The following KCNK9 variants were observed in gnomAD, a reference collection of about 807,000 sequenced individuals.
KCNK9 encodes potassium channel subfamily K member 9.
KCNK9 carries 1 observed loss-of-function variant against 10.8 expected under a neutral mutation model. That is an observed-to-expected ratio of 0.09 (90% CI 0.03 to 0.44). KCNK9 has a LOEUF of 0.44. Ranked by LOEUF, KCNK9 falls within the 20% of genes least tolerant of loss-of-function variation. KCNK9 has a pLI of 0.97. For synonymous variants in KCNK9, 231 were observed against 222.7 expected (o/e 1.04, Z -0.33); for missense variants, 303 against 515.0 (o/e 0.59, Z 3.98).
intron 2 of KCNK9, among the ~76,000 whole-genome samples, chr8:139,607,530 T>C (rs1367214418): frequency 2.0e-5 from 3 of 152,166 alleles, no homozygotes; most frequent in African/African-American, 7.2e-5. Flanking sequence ...CCCTGGAGCA[T>C]GCTCCCACCC....
chr8:139,629,832 G>A (rs970863265), intron 1 of KCNK9, among the ~76,000 whole-genome samples: 2 of 152,180 alleles, frequency 1.3e-5, no homozygotes, highest in African/African-American at 4.8e-5. Context: ...CTTCACTCAT[G>A]TGACCCCATT....
downstream of KCNK9, among the ~76,000 whole-genome samples, chr8:139,607,652 G>A (rs927230539): frequency 2.0e-5 from 3 of 152,160 alleles, no homozygotes; most frequent in Non-Finnish European, 2.9e-5. Flanking sequence ...TGTAGGGGCC[G>A]AGTCTCCAGT....
At chr8:139,686,017 A>G (rs891514682) in intron 1 of KCNK9, among the ~76,000 whole-genome samples, 3 of 152,180 alleles carry the variant, frequency 2.0e-5, no homozygotes, top group Non-Finnish European at 4.4e-5. Flanking sequence ...TTTGATTTGC[A>G]TTTCTCTGAT....
intron 1 of KCNK9, among the ~76,000 whole-genome samples, chr8:139,655,981 A>G (rs528552648): frequency 6.6e-6 from 1 of 152,278 alleles, no homozygotes; most frequent in East Asian, 1.9e-4. Context: ...GGGATCAGGT[A>G]AAGTTTAAAT....
intron 1 of KCNK9, among the ~76,000 whole-genome samples, chr8:139,652,661 G>T (rs1331926863): frequency 6.6e-6 from 1 of 152,222 alleles, no homozygotes; most frequent in Non-Finnish European, 1.5e-5. Context: ...CCGAATGGGG[G>T]AAATACGGAC....
At chr8:139,694,843 G>A (rs576927511) in intron 1 of KCNK9, among the ~76,000 whole-genome samples, 49 of 152,144 alleles carry the variant, frequency 3.2e-4, no homozygotes, top group Admixed American at 7.9e-4. Context: ...CACCACCTTC[G>A]AGCAGCCACT....
At chr8:139,661,484 GCTT>G (rs1253721347) in intron 1 of KCNK9, among the ~76,000 whole-genome samples, 3 of 152,178 alleles carry the variant, frequency 2.0e-5, no homozygotes, top group Non-Finnish European at 4.4e-5. Flanking sequence ...CCCCTGCCAG[GCTT>G]GCCCTCGTCA....
chr8:139,607,337 C>T (rs1814254739), intron 2 of KCNK9, among the ~76,000 whole-genome samples: 4 of 152,198 alleles, frequency 2.6e-5, no homozygotes, highest in Admixed American at 1.3e-4. Context: ...TCTAGCTCAC[C>T]TTCATGGCCC....
In KCNK9 at chr8:139,618,130, G is replaced by GA; in HGVS notation, c.*127dup. ...AAATGAGACCAAGAGACCAAGAAAG[G>GA]AGGAAGGAGAGAAAGTAATAATGAT... On this transcript the variant is annotated 3_prime_UTR_variant, in exon 2 of 2. Coordinates refer to ENST00000520439, the MANE Select transcript of KCNK9 (RefSeq NM_001282534.2). The surrounding 1 kb of genome is among the most constrained non-coding windows in gnomAD (Gnocchi z 7.9). 4 of 1,317,282 alleles carry GA rather than the reference G, an allele frequency of 3.0e-6. No individual in the cohort carries two copies. Among genetic ancestry groups the GA allele is most frequent in the Non-Finnish European group, 4.2e-6 (4 of 948,650 alleles). The allele number at this position is 1,317,282 out of a possible 1,614,324, so 81.6% of individuals were successfully genotyped here.
intron 1 of KCNK9, among the ~76,000 whole-genome samples, chr8:139,673,803 C>T (rs953320962): frequency 6.6e-6 from 1 of 152,052 alleles, no homozygotes; most frequent in African/African-American, 2.4e-5. Context: ...CCAGCCCCTC[C>T]CCACCCCTGC....
At chr8:139,626,131 G>A (rs541974784) in intron 1 of KCNK9, among the ~76,000 whole-genome samples, 43 of 152,164 alleles carry the variant, frequency 2.8e-4, no homozygotes, top group African/African-American at 9.6e-4. Context: ...AGGCAAATAG[G>A]GCAGCCTGGG....
intron 1 of KCNK9, among the ~76,000 whole-genome samples, chr8:139,688,361 C>G (rs143745730): frequency 6.4e-4 from 98 of 152,248 alleles, no homozygotes; most frequent in African/African-American, 2.3e-3. Flanking sequence ...GCTGGAGAGG[C>G]CTCAGAAAAC....
At chr8:139,692,502 T>C (rs561322282) in intron 1 of KCNK9, among the ~76,000 whole-genome samples, 110 of 152,188 alleles carry the variant, frequency 7.2e-4, no homozygotes, top group Non-Finnish European at 1.4e-3. Context: ...CAACACACAC[T>C]GGCTTCCCCC....
At chr8:139,655,326 G>A (rs1238099984) in intron 1 of KCNK9, among the ~76,000 whole-genome samples, 1 of 152,176 alleles carries the variant, frequency 6.6e-6, no homozygotes, top group Non-Finnish European at 1.5e-5. Flanking sequence ...GTAATCACGA[G>A]GAGCAAACAA....
At chr8:139,672,011 T>A (rs1053985823) in intron 1 of KCNK9, among the ~76,000 whole-genome samples, 1 of 152,180 alleles carries the variant, frequency 6.6e-6, no homozygotes, top group South Asian at 2.1e-4. Flanking sequence ...CTGATGAACA[T>A]GATGCAGCAT....
At chr8:139,603,475 A>G (rs1817417773) in intron 2 of KCNK9, among the ~76,000 whole-genome samples, 1 of 152,208 alleles carries the variant, frequency 6.6e-6, no homozygotes, top group Admixed American at 6.5e-5. Context: ...TACTTACAAA[A>G]TAACTGAGTC....
chr8:139,689,809 A>AT (rs1189997155), intron 1 of KCNK9, among the ~76,000 whole-genome samples: 5 of 151,980 alleles, frequency 3.3e-5, no homozygotes, highest in East Asian at 3.9e-4. Flanking sequence ...TGCCTGGCTA[A>AT]TTTTTTGTAT....
intron 1 of KCNK9, among the ~76,000 whole-genome samples, chr8:139,679,200 A>C (rs1325053357): frequency 6.6e-6 from 1 of 152,218 alleles, no homozygotes; most frequent in East Asian, 1.9e-4. Context: ...AGCCAATGAC[A>C]GCCTATGGAA....
downstream of KCNK9, chr8:139,616,050 T>C (rs983550578): frequency 2.0e-5 from 3 of 152,160 alleles, no homozygotes; most frequent in East Asian, 5.8e-4. Flanking sequence ...GAGACACCTG[T>C]CTCAGTTCTG....
Sources: gnomAD v4.1 joint callset for allele counts (sites outside exome capture counted in the v4.1 genomes callset) on GRCh38, gnomAD v4.1.1 for gene constraint, Gnocchi (gnomAD v3.1) non-coding constraint, MANE v1.5 for transcripts, NCBI Gene and HGNC (gene_info 2026-07-23, HGNC 2026-07-21) for gene names.